Variants in MALRD1 observed in about 807,000 individuals in gnomAD.
MALRD1 encodes the protein MAM and LDL receptor class A domain containing 1.
In MALRD1, 247 loss-of-function variants were observed where a neutral mutation model predicts 242.1. The ratio of observed to expected loss-of-function variants is 1.02; its 90% CI spans 0.92 to 1.13. The LOEUF (loss-of-function observed/expected upper bound fraction) is 1.13. MALRD1 is among the 50% of genes most tolerant of loss of function. MALRD1 has a pLI of 0.00. For synonymous variants in MALRD1, 995 were observed against 866.6 expected, an observed-to-expected ratio of 1.15 and a Z score of -2.60; for missense variants, 2,989 against 2,533.1, an observed-to-expected ratio of 1.18 and a Z score of -3.86.
chr10:19,418,478 C>T (rs1162507527), intron 28 of MALRD1, among the ~76,000 whole-genome samples: 2 of 152,106 alleles, frequency 1.3e-5, no homozygotes, highest in Non-Finnish European at 2.9e-5. Context: ...ACAGCCACTG[C>T]TATGCCTGAC....
chr10:19,114,999 A>G (rs988350813), intron 5 of MALRD1, among the ~76,000 whole-genome samples: 5 of 152,162 alleles, frequency 3.3e-5, no homozygotes, highest in African/African-American at 9.7e-5. Flanking sequence ...TAGCTCTATA[A>G]AGGCTGTATT....
At chr10:19,192,045 A>C (rs1482562592) in intron 14 of MALRD1, among the ~76,000 whole-genome samples, 3 of 152,130 alleles carry the variant, frequency 2.0e-5, no homozygotes, top group African/African-American at 7.2e-5. Context: ...TAAAAAAAAA[A>C]CTTGAGGACA....
chr10:19,681,934 C>G (rs1842389749), intron 36 of MALRD1, among the ~76,000 whole-genome samples: 1 of 149,272 alleles, frequency 6.7e-6, no homozygotes, highest in South Asian at 2.1e-4. Context: ...CAGCTCACTG[C>G]TACCTCTGTC....
chr10:19,158,742 G>A (rs1834271828), intron 12 of MALRD1, among the ~76,000 whole-genome samples: 1 of 152,158 alleles, frequency 6.6e-6, no homozygotes, highest in African/African-American at 2.4e-5. Context: ...TTGTTTAGTG[G>A]GGGATACTGA....
chr10:19,610,282 C>T (rs1418268027), intron 35 of MALRD1, among the ~76,000 whole-genome samples: 1 of 151,984 alleles, frequency 6.6e-6, no homozygotes, highest in East Asian at 1.9e-4. Flanking sequence ...TTAATATTCA[C>T]CCATTACCCT....
At chr10:19,147,200 T>C in intron 11 of MALRD1, among the ~76,000 whole-genome samples, 1 of 152,202 alleles carries the variant, frequency 6.6e-6, no homozygotes, top group Non-Finnish European at 1.5e-5. Context: ...TAGATCATCT[T>C]TCAACCTCAT....
chr10:19,396,290 C>T (rs1463125939), intron 28 of MALRD1, among the ~76,000 whole-genome samples: 2 of 151,940 alleles, frequency 1.3e-5, no homozygotes, highest in Non-Finnish European at 2.9e-5. Context: ...GTGCACGCCA[C>T]CACGCCTGGC....
intron 32 of MALRD1, among the ~76,000 whole-genome samples, chr10:19,557,567 C>T (rs1835780359): frequency 6.6e-6 from 1 of 151,984 alleles, no homozygotes. Context: ...GATTCCTTGT[C>T]AAATATCAGT....
chr10:19,306,805 G>A (rs1006992839), intron 21 of MALRD1, among the ~76,000 whole-genome samples: 2 of 115,984 alleles, frequency 1.7e-5, no homozygotes, highest in African/African-American at 5.9e-5. Flanking sequence ...GCAAGGAGAA[G>A]TGCCAAGCAA....
intron 36 of MALRD1, among the ~76,000 whole-genome samples, chr10:19,662,094 T>C (rs1441877145): frequency 6.6e-6 from 1 of 152,144 alleles, no homozygotes; most frequent in African/African-American, 2.4e-5. Flanking sequence ...TATTTTAATA[T>C]GAAAGAGTAT....
At chr10:19,336,516 T>C (rs555426922) in intron 24 of MALRD1, among the ~76,000 whole-genome samples, 4 of 152,266 alleles carry the variant, frequency 2.6e-5, no homozygotes, top group African/African-American at 9.6e-5. Flanking sequence ...TAATTTTAAG[T>C]AGTAATTTTT....
chr10:19,385,207 T>TTGGC (rs1846025304), intron 26 of MALRD1, among the ~76,000 whole-genome samples: 1 of 152,100 alleles, frequency 6.6e-6, no homozygotes, highest in East Asian at 1.9e-4. Flanking sequence ...ATTAGGGATA[T>TTGGC]TGGCTGTAGT....
intron 21 of MALRD1, among the ~76,000 whole-genome samples, chr10:19,283,456 T>A (rs11009293): frequency 0.15 from 23,011 of 152,082 alleles, 2,066 homozygotes; most frequent in South Asian, 0.28. Flanking sequence ...GTTAGTATAT[T>A]GTTTTTAAAA....
intron 18 of MALRD1, among the ~76,000 whole-genome samples, chr10:19,255,790 A>C (rs890227650): frequency 1.3e-5 from 2 of 152,080 alleles, no homozygotes; most frequent in African/African-American, 4.8e-5. Flanking sequence ...CCTTGAATGC[A>C]GATAGAAACA....
chr10:19,619,780 A>G lies in MALRD1; in HGVS notation c.6137+3857A>G, dbSNP rs377603406. On this transcript the variant is annotated intron_variant, in intron 36 of 39. Coordinates refer to ENST00000454679, the MANE Select transcript of MALRD1 (RefSeq NM_001142308.3). The stretch of plus-strand genomic sequence containing the variant: ...ATATTTCTGATCTGATAATTTGTTC[A>G]AGATATCAAAACTAAATTACTATCT... 2.0e-4 allele frequency among the ~76,000 whole-genome samples: 31 copies of G among 152,166 alleles called. No individual in the cohort carries two copies. The East Asian group carries it at 4.3e-3, about 21-fold the overall frequency.
intron 34 of MALRD1, among the ~76,000 whole-genome samples, chr10:19,606,055 T>G (rs923635051): frequency 6.6e-6 from 1 of 152,106 alleles, no homozygotes; most frequent in African/African-American, 2.4e-5. Context: ...AAAACACTAT[T>G]TTTTTTACGT....
At chr10:19,680,019 T>C (rs1842303128) in intron 36 of MALRD1, among the ~76,000 whole-genome samples, 1 of 151,570 alleles carries the variant, frequency 6.6e-6, no homozygotes, top group Non-Finnish European at 1.5e-5. Context: ...AGAGACTGTT[T>C]GTTTCTTTTG....
chr10:19,445,668 T>G (rs1476124056), intron 28 of MALRD1, among the ~76,000 whole-genome samples: 1 of 152,196 alleles, frequency 6.6e-6, no homozygotes, highest in Non-Finnish European at 1.5e-5. Flanking sequence ...CTCTGGAATC[T>G]TTGTCTCAGA....
chr10:19,266,668 A>G (rs1202056854), intron 19 of MALRD1, among the ~76,000 whole-genome samples: 1 of 152,012 alleles, frequency 6.6e-6, no homozygotes. Flanking sequence ...ATTAAAAATA[A>G]CTATAGCATC....
Sources: gnomAD v4.1 joint callset for allele counts (sites outside exome capture counted in the v4.1 genomes callset) on GRCh38, gnomAD v4.1.1 for gene constraint, MANE v1.5 for transcripts, NCBI Gene and HGNC (gene_info 2026-07-23, HGNC 2026-07-21) for gene names.